The following PCDHA6 variants were observed in gnomAD, a reference collection of about 807,000 sequenced individuals.
PCDHA6 encodes protocadherin alpha 6, also known as protocadherin alpha-6.
A neutral mutation model predicts 60.3 loss-of-function variants in PCDHA6; 55 were observed. That is an observed-to-expected ratio of 0.91 (90% confidence interval 0.73 to 1.14). The LOEUF (loss-of-function observed/expected upper bound fraction) is 1.14. Among genes scored for constraint, PCDHA6 ranks in the 50% most tolerant of loss-of-function variants. PCDHA6 has a pLI of 0.00. For missense variants in PCDHA6, 1,327 were observed against 1,256.5 expected (o/e 1.06, Z -0.85); for synonymous variants, 652 against 557.9 (o/e 1.17, Z -2.38).
chr5:140,972,540 T>G (rs1375467339), intron 1 of PCDHA6, among the ~76,000 whole-genome samples: 2 of 152,148 alleles, frequency 1.3e-5, no homozygotes, highest in Non-Finnish European at 2.9e-5. Flanking sequence ...AAATCACTTG[T>G]GCAGTGAGGA....
At chr5:140,855,737 C>A (rs1168168277) in intron 1 of PCDHA6, 12 of 304,242 alleles carry the variant, frequency 3.9e-5, no homozygotes, top group Non-Finnish European at 6.7e-5. Context: ...TATAAAGAGA[C>A]GTAATGTGAG....
intron 1 of PCDHA6, among the ~76,000 whole-genome samples, chr5:140,950,273 T>G (rs1218178621): frequency 6.6e-5 from 10 of 152,008 alleles, no homozygotes; most frequent in African/African-American, 1.9e-4. Flanking sequence ...CCATAATGTC[T>G]TTTTGCTTCA....
At chr5:140,967,198 C>T (rs2096112626) in intron 1 of PCDHA6, 9 of 1,613,662 alleles carry the variant, frequency 5.6e-6, no homozygotes, top group South Asian at 1.1e-5. Flanking sequence ...TCAACGACAA[C>T]TCACCGCGTT....
chr5:140,954,360 A>G (rs1203050549), intron 1 of PCDHA6, among the ~76,000 whole-genome samples: 2 of 152,212 alleles, frequency 1.3e-5, no homozygotes, highest in African/African-American at 4.8e-5. Flanking sequence ...GAATCGCCAC[A>G]CAGTCTCCCA....
chr5:141,005,287 A>AT (rs1405339052), intron 3 of PCDHA6, among the ~76,000 whole-genome samples: 5 of 152,162 alleles, frequency 3.3e-5, no homozygotes, highest in Admixed American at 1.3e-4. Context: ...AAACAGATAC[A>AT]TTTTTTGCCT....
chr5:140,969,823 T>C (rs782195981), intron 1 of PCDHA6, among the ~76,000 whole-genome samples: 3 of 152,248 alleles, frequency 2.0e-5, no homozygotes, highest in Non-Finnish European at 4.4e-5. Context: ...CTCTGGACTG[T>C]CTACAGTGGA....
chr5:140,845,497 T>C (rs1779898146), intron 1 of PCDHA6, among the ~76,000 whole-genome samples: 1 of 149,728 alleles, frequency 6.7e-6, no homozygotes, highest in African/African-American at 2.4e-5. Context: ...AGTGAGAAAG[T>C]CTAAACCTAT....
Position 140,929,271 on chromosome 5 carries a change from A to G in PCDHA6, c.2395-49678A>G, listed in dbSNP as rs782266407. 9.9e-6 allele frequency: 16 copies of G among 1,610,716 alleles called. No individual in the cohort carries two copies. In the Admixed American group the frequency reaches 2.7e-4, roughly 27 times the overall value. On this transcript the variant is annotated intron_variant, in intron 1 of 3. Transcript: ENST00000529310. ...CTGGGGTAGGACTGAATTTGCCAAT[A>G]TCCTGTATTCAGATTCGGAATAGGA...
intron 1 of PCDHA6, chr5:140,969,445 A>G (rs2096331821): frequency 1.9e-6 from 3 of 1,542,150 alleles, no homozygotes; most frequent in Non-Finnish European, 2.6e-6. Context: ...TATCTGGTAA[A>G]CTGAGTATAT....
chr5:140,877,155 C>G (rs782559744), intron 1 of PCDHA6: 21 of 1,613,680 alleles, frequency 1.3e-5, no homozygotes, highest in Non-Finnish European at 1.8e-5. Flanking sequence ...AGAACGACAA[C>G]GCGCCGGCAC....
chr5:140,886,251 T>A (rs189086759), intron 1 of PCDHA6, among the ~76,000 whole-genome samples: 397 of 152,156 alleles, frequency 2.6e-3, no homozygotes, highest in Non-Finnish European at 4.1e-3. Flanking sequence ...AATAAAAGTA[T>A]CTCTATTTAT....
At chr5:140,841,791 C>A in intron 1 of PCDHA6, 1 of 1,613,854 alleles carries the variant, frequency 6.2e-7, no homozygotes, top group Non-Finnish European at 8.5e-7. Flanking sequence ...CTAGAGGGCG[C>A]GTCCGATGCA....
chr5:140,983,665 A>G (rs1161885514), intron 3 of PCDHA6, among the ~76,000 whole-genome samples: 3 of 152,248 alleles, frequency 2.0e-5, no homozygotes, highest in Non-Finnish European at 4.4e-5. Flanking sequence ...GGCAGAGGGT[A>G]GGATTCAAAC....
intron 1 of PCDHA6, among the ~76,000 whole-genome samples, chr5:140,945,574 G>C (rs2153670366): frequency 6.6e-6 from 1 of 151,978 alleles, no homozygotes; most frequent in Middle Eastern, 3.4e-3. Context: ...ATACTACCTG[G>C]CTTCAAAATA....
At chr5:140,958,696 G>A (rs1276859394) in intron 1 of PCDHA6, among the ~76,000 whole-genome samples, 1 of 152,156 alleles carries the variant, frequency 6.6e-6, no homozygotes, top group African/African-American at 2.4e-5. Flanking sequence ...ATATCCTAGA[G>A]TGACAACTCT....
chr5:140,841,805 G>C (rs1442483448), intron 1 of PCDHA6: 1 of 1,613,818 alleles, frequency 6.2e-7, no homozygotes, highest in African/African-American at 1.3e-5. Context: ...CGATGCAGAT[G>C]TTGGAGCTAA....
intron 1 of PCDHA6, chr5:140,865,867 G>A (rs1382471078): frequency 7.9e-5 from 12 of 152,202 alleles, no homozygotes; most frequent in South Asian, 2.1e-4. Flanking sequence ...ACATGGTCTC[G>A]GCTAGGAAAA....
Position 140,829,433 on chromosome 5 carries a change from A to T in PCDHA6, c.1342A>T (p.Met448Leu). 1 of 1,614,022 alleles carries T rather than the reference A, an allele frequency of 6.2e-7. No individual in the cohort carries two copies. The highest frequency in any genetic ancestry group is 8.5e-7 in the Non-Finnish European group (1 of 1,180,028). The change falls in exon 1 of 4, where the codon ATG becomes TTG. Residue 448 changes from methionine (M) to leucine (L), a missense_variant. By Grantham distance (15) the Met-to-Leu change is conservative. Transcript: ENST00000529310. ...TASLSVEVAD[M>L]NDNAPAFAQP... ...CAGCTTGTCTGTGGAGGTGGCCGAC[A>T]TGAATGACAATGCTCCGGCGTTCGC...
chr5:140,870,319 T>C (rs782623881), intron 1 of PCDHA6: 3 of 1,614,162 alleles, frequency 1.9e-6, no homozygotes, highest in Non-Finnish European at 2.5e-6. Context: ...TTACTACTCG[T>C]TGGTGCTGGA....
Sources: gnomAD v4.1 joint callset for allele counts (sites outside exome capture counted in the v4.1 genomes callset) on GRCh38, gnomAD v4.1.1 for gene constraint, MANE v1.5 for transcripts, NCBI Gene and HGNC (gene_info 2026-07-23, HGNC 2026-07-21) for gene names.